The following DPP10 variants were observed in gnomAD, a reference collection of about 807,000 sequenced individuals.
DPP10 encodes inactive dipeptidyl peptidase 10.
In DPP10, 33 loss-of-function variants were observed where a neutral mutation model predicts 120.9. The observed-to-expected ratio is 0.27, with a 90% CI of 0.21 to 0.37. The LOEUF (loss-of-function observed/expected upper bound fraction) is 0.37. DPP10 is among the 10% of genes least tolerant of loss of function. The pLI is 1.00. For synonymous variants in DPP10, 337 were observed against 326.1 expected (o/e 1.03, Z -0.36); for missense variants, 816 against 942.8 (o/e 0.87, Z 1.76).
chr2:115,070,867 A>G (rs1002074984), intron 1 of DPP10, among the ~76,000 whole-genome samples: 1 of 152,206 alleles, frequency 6.6e-6, no homozygotes, highest in Non-Finnish European at 1.5e-5. Flanking sequence ...TCTCAAATTT[A>G]TTTATCATTG....
At chr2:114,461,833 A>G in intron 1 of DPP10, 2 of 985,420 alleles carry the variant, frequency 2.0e-6, no homozygotes, top group Non-Finnish European at 2.4e-6. Context: ...ATGATAGAAG[A>G]TATCTTCAAC....
At chr2:114,974,292 C>A (rs975867315) in intron 1 of DPP10, among the ~76,000 whole-genome samples, 1 of 152,032 alleles carries the variant, frequency 6.6e-6, no homozygotes, top group African/African-American at 2.4e-5. Context: ...TGTTTAGATA[C>A]ACAAATACCA....
intron 1 of DPP10, among the ~76,000 whole-genome samples, chr2:114,702,959 A>G (rs987396315): frequency 6.6e-6 from 1 of 152,110 alleles, no homozygotes; most frequent in Non-Finnish European, 1.5e-5. Context: ...AGTCCACTTT[A>G]TCTTGAACCT....
chr2:115,578,751 G>C (rs1446521632), intron 5 of DPP10, among the ~76,000 whole-genome samples: 2 of 152,210 alleles, frequency 1.3e-5, no homozygotes, highest in Non-Finnish European at 2.9e-5. Context: ...GGATTTTGCA[G>C]ACCTAAGGCA....
At chr2:115,235,685 C>A (rs1415241433) in intron 1 of DPP10, among the ~76,000 whole-genome samples, 1 of 152,130 alleles carries the variant, frequency 6.6e-6, no homozygotes, top group Non-Finnish European at 1.5e-5. Flanking sequence ...CCTCTGCCTC[C>A]TGAATAGTTG....
At chr2:115,317,632 C>CTTTTTTTTTTT (rs148408128) in intron 2 of DPP10, among the ~76,000 whole-genome samples, 1 of 133,312 alleles carries the variant, frequency 7.5e-6, no homozygotes. Flanking sequence ...TTGTTCTTTT[C>CTTTTTTTTTTT]TTTTTTTTTT....
intron 1 of DPP10, among the ~76,000 whole-genome samples, chr2:114,897,197 A>AT (rs897133299): frequency 6.6e-6 from 1 of 152,270 alleles, no homozygotes; most frequent in Admixed American, 6.5e-5. Context: ...CTAAAATTCA[A>AT]TTTTTTGGTT....
chr2:115,701,354 A>G (rs1282843592), intron 7 of DPP10, among the ~76,000 whole-genome samples: 3 of 152,088 alleles, frequency 2.0e-5, no homozygotes, highest in Non-Finnish European at 4.4e-5. Context: ...TATCTTTTTT[A>G]AACAACTGAT....
chr2:115,762,189 GT>G (rs1433770620), intron 11 of DPP10, among the ~76,000 whole-genome samples: 2 of 152,136 alleles, frequency 1.3e-5, no homozygotes, highest in Admixed American at 1.3e-4. Flanking sequence ...ATTCCTGGCT[GT>G]TTGCCCAGTT....
intron 3 of DPP10, among the ~76,000 whole-genome samples, chr2:115,349,496 T>A (rs915809472): frequency 1.3e-5 from 2 of 152,022 alleles, no homozygotes; most frequent in South Asian, 2.1e-4. Flanking sequence ...AAAGTCAAGG[T>A]CTGTAGCCTT....
intron 5 of DPP10, among the ~76,000 whole-genome samples, chr2:115,586,690 G>T (rs1383733695): frequency 6.6e-6 from 1 of 151,108 alleles, no homozygotes; most frequent in African/African-American, 2.4e-5. Context: ...TTTTGTTTTT[G>T]TTTTTTTTCC....
At chr2:114,808,728 C>G (rs949831294) in intron 1 of DPP10, among the ~76,000 whole-genome samples, 1 of 152,052 alleles carries the variant, frequency 6.6e-6, no homozygotes, top group African/African-American at 2.4e-5. Flanking sequence ...TAAAACAAGA[C>G]AAACTCATTC....
intron 1 of DPP10, among the ~76,000 whole-genome samples, chr2:114,694,812 G>A (rs897270504): frequency 6.6e-6 from 1 of 151,918 alleles, no homozygotes; most frequent in African/African-American, 2.4e-5. Flanking sequence ...TCTAAATTAA[G>A]TCTCAACAGA....
intron 1 of DPP10, among the ~76,000 whole-genome samples, chr2:115,180,422 T>C (rs931204925): frequency 6.6e-6 from 1 of 152,200 alleles, no homozygotes; most frequent in Non-Finnish European, 1.5e-5. Context: ...TGGTACCATT[T>C]GATTCTATCA....
chr2:115,833,970 G>A (rs944811490), intron 21 of DPP10, among the ~76,000 whole-genome samples: 6 of 152,026 alleles, frequency 3.9e-5, no homozygotes, highest in Non-Finnish European at 8.8e-5. Flanking sequence ...ACCTACCTAA[G>A]GGAAAATTTA....
chr2:115,629,348 G>A (rs1014406680), intron 5 of DPP10, among the ~76,000 whole-genome samples: 9 of 151,972 alleles, frequency 5.9e-5, no homozygotes, highest in African/African-American at 2.2e-4. Flanking sequence ...GGATGGCTGG[G>A]TCAAATGGTA....
chr2:115,798,490 T>A (rs1684795365), intron 19 of DPP10, among the ~76,000 whole-genome samples: 1 of 152,096 alleles, frequency 6.6e-6, no homozygotes, highest in African/African-American at 2.4e-5. Flanking sequence ...TCCTTTTGAC[T>A]TATATATAAA....
intron 1 of DPP10, among the ~76,000 whole-genome samples, chr2:114,567,534 A>G (rs1434279298): frequency 6.6e-6 from 1 of 152,208 alleles, no homozygotes; most frequent in African/African-American, 2.4e-5. Context: ...TGAGGCATCT[A>G]GAAGCTGGAA....
chr2:115,134,843 C>A (rs896371887), intron 1 of DPP10, among the ~76,000 whole-genome samples: 7 of 151,936 alleles, frequency 4.6e-5, no homozygotes, highest in African/African-American at 1.7e-4. Context: ...CATGAAAAAG[C>A]AAGATAAGTG....
Sources: gnomAD v4.1 joint callset for allele counts (sites outside exome capture counted in the v4.1 genomes callset) on GRCh38, gnomAD v4.1.1 for gene constraint, MANE v1.5 for transcripts, NCBI Gene and HGNC (gene_info 2026-07-23, HGNC 2026-07-21) for gene names.